The following GRM5 variants were observed in gnomAD, a reference collection of about 807,000 sequenced individuals.
The protein encoded by GRM5 is glutamate metabotropic receptor 5.
A neutral mutation model predicts 83.1 loss-of-function variants in GRM5; 19 were observed. The observed-to-expected ratio is 0.23, with a 90% CI of 0.16 to 0.34. The LOEUF (loss-of-function observed/expected upper bound fraction) is 0.34, where lower values mean the gene tolerates loss of function less well. Among genes scored for constraint, GRM5 ranks in the 10% least tolerant of loss-of-function variants. The probability of loss-of-function intolerance (pLI) is 1.00; values close to 1 mark genes in which losing one functional copy is unlikely to be tolerated. For missense variants in GRM5, 1,160 were observed against 1,588.3 expected (o/e 0.73, Z 4.58); for synonymous variants, 675 against 633.6 (o/e 1.07, Z -0.98).
At chr11:88,743,228 G>A (rs1027176211) in intron 3 of GRM5, among the ~76,000 whole-genome samples, 2 of 152,072 alleles carry the variant, frequency 1.3e-5, no homozygotes, top group Non-Finnish European at 2.9e-5. Flanking sequence ...CAGTAGGCAA[G>A]TAAATGTGTA....
intron 3 of GRM5, among the ~76,000 whole-genome samples, chr11:88,708,805 T>C (rs888559774): frequency 1.3e-5 from 2 of 152,088 alleles, no homozygotes; most frequent in African/African-American, 4.8e-5. Flanking sequence ...CTGAATACTC[T>C]AGAGATACCA....
chr11:88,865,778 A>T (rs550403896), intron 2 of GRM5, among the ~76,000 whole-genome samples: 1 of 152,274 alleles, frequency 6.6e-6, no homozygotes, highest in African/African-American at 2.4e-5. Context: ...AAAAGAAGAC[A>T]TTTATGCAGC....
At chr11:88,619,472 T>A (rs1213877791) in intron 4 of GRM5, among the ~76,000 whole-genome samples, 3 of 152,188 alleles carry the variant, frequency 2.0e-5, no homozygotes, top group African/African-American at 7.2e-5. Context: ...CATCCAAGAT[T>A]GTGACCTTCT....
At chr11:89,059,486 G>A (rs1443894175) in intron 1 of GRM5, among the ~76,000 whole-genome samples, 1 of 152,126 alleles carries the variant, frequency 6.6e-6, no homozygotes. Context: ...TTTGTAAGCT[G>A]TAGGTCAGTA....
At chr11:88,941,526 G>T (rs1938108486) in intron 2 of GRM5, among the ~76,000 whole-genome samples, 1 of 42,520 alleles carries the variant, frequency 2.4e-5, no homozygotes, top group Non-Finnish European at 8.6e-5. Context: ...GGAGAGAGGA[G>T]GGGAGAGGAG....
intron 2 of GRM5, among the ~76,000 whole-genome samples, chr11:89,038,390 A>G (rs1182424551): frequency 6.6e-6 from 1 of 152,206 alleles, no homozygotes; most frequent in African/African-American, 2.4e-5. Flanking sequence ...CCTTTCATAT[A>G]TAAGGCTACA....
chr11:88,718,791 C>A (rs1338796569), intron 3 of GRM5, among the ~76,000 whole-genome samples: 1 of 151,886 alleles, frequency 6.6e-6, no homozygotes, highest in Non-Finnish European at 1.5e-5. Flanking sequence ...TCTAAATCAC[C>A]TTTATAGACT....
At chr11:88,803,180 A>T (rs1305148747) in intron 3 of GRM5, among the ~76,000 whole-genome samples, 3 of 150,948 alleles carry the variant, frequency 2.0e-5, no homozygotes, top group Non-Finnish European at 2.9e-5. Flanking sequence ...AATTGGAAAA[A>T]ACTACTTTAA....
intron 3 of GRM5, among the ~76,000 whole-genome samples, chr11:88,800,339 G>C (rs1303953916): frequency 1.3e-5 from 2 of 150,572 alleles, no homozygotes; most frequent in Non-Finnish European, 2.9e-5. Context: ...TCTTGACAAA[G>C]AGAGATTGTC....
intron 2 of GRM5, among the ~76,000 whole-genome samples, chr11:88,883,441 C>T (rs1422194701): frequency 6.6e-6 from 1 of 152,104 alleles, no homozygotes; most frequent in Admixed American, 6.5e-5. Context: ...GTGGAACTTT[C>T]AACTTGAGAG....
chr11:88,774,812 A>G (rs1942814321), intron 3 of GRM5, among the ~76,000 whole-genome samples: 3 of 152,168 alleles, frequency 2.0e-5, no homozygotes, highest in Non-Finnish European at 4.4e-5. Flanking sequence ...ATCGTGGTGG[A>G]TAAGCTTTTT....
At chr11:88,715,070 T>C (rs1336270449) in intron 3 of GRM5, among the ~76,000 whole-genome samples, 1 of 152,044 alleles carries the variant, frequency 6.6e-6, no homozygotes, top group East Asian at 1.9e-4. Flanking sequence ...ATACAAGGCT[T>C]GTATGTATAT....
intron 3 of GRM5, among the ~76,000 whole-genome samples, chr11:88,814,827 T>A (rs1042600160): frequency 2.0e-5 from 3 of 152,128 alleles, no homozygotes; most frequent in Admixed American, 2.0e-4. Context: ...ATTGAAACTT[T>A]CCCAGAATTG....
chr11:88,961,029 A>T (rs950489899), intron 2 of GRM5, among the ~76,000 whole-genome samples: 1 of 152,220 alleles, frequency 6.6e-6, no homozygotes, highest in Non-Finnish European at 1.5e-5. Context: ...TTTCAATCCA[A>T]TGGTGTTCAA....
intron 3 of GRM5, among the ~76,000 whole-genome samples, chr11:88,846,835 A>G (rs1394461326): frequency 6.6e-6 from 1 of 152,190 alleles, no homozygotes; most frequent in Non-Finnish European, 1.5e-5. Flanking sequence ...CTAAATAAAA[A>G]TTTTCAGGAG....
intron 7 of GRM5, among the ~76,000 whole-genome samples, chr11:88,580,928 T>A (rs1254287875): frequency 6.6e-6 from 1 of 152,110 alleles, no homozygotes; most frequent in Non-Finnish European, 1.5e-5. Context: ...ACTAACAAGG[T>A]GAAACCCTGT....
chr11:88,848,562 C>T (rs570908922), intron 3 of GRM5, among the ~76,000 whole-genome samples: 15 of 152,156 alleles, frequency 9.9e-5, no homozygotes, highest in African/African-American at 3.1e-4. Flanking sequence ...ACACTGGCTA[C>T]GTGTTAATAA....
intron 2 of GRM5, among the ~76,000 whole-genome samples, chr11:88,927,970 G>A (rs1945817942): frequency 6.6e-6 from 1 of 152,072 alleles, no homozygotes; most frequent in South Asian, 2.1e-4. Context: ...CAGAAGCAGG[G>A]CCCGGTAGCC....
chr11:88,848,603 T>C (rs1470446192), intron 3 of GRM5, among the ~76,000 whole-genome samples: 5 of 152,180 alleles, frequency 3.3e-5, no homozygotes, highest in South Asian at 2.1e-4. Context: ...GTTTTAAAGG[T>C]ATGCAATGAA....
Sources: allele counts gnomAD v4.1 joint callset (sites outside exome capture counted in the v4.1 genomes callset), GRCh38; gene constraint gnomAD v4.1.1; transcripts MANE v1.5; gene names NCBI Gene and HGNC (gene_info 2026-07-23, HGNC 2026-07-21).